KCTD20: variants seen among roughly 807,000 people sequenced by gnomAD.
KCTD20 encodes BTB/POZ domain-containing protein KCTD20.
Under a neutral mutation model 39.6 loss-of-function variants are expected in KCTD20, and 30 were observed. That is an observed-to-expected ratio of 0.76 (90% CI 0.57 to 1.03). The LOEUF is 1.03. Among genes scored for constraint, KCTD20 ranks in the 50% least tolerant of loss-of-function variants. KCTD20 has a pLI of 0.00. For synonymous variants in KCTD20, 162 were observed against 180.6 expected, an observed-to-expected ratio of 0.90 and a Z score of 0.83; for missense variants, 422 against 522.0, an observed-to-expected ratio of 0.81 and a Z score of 1.87.
chr6:36,471,482 C>A (rs927974630), intron 2 of KCTD20, among the ~76,000 whole-genome samples: 9 of 152,110 alleles, frequency 5.9e-5, no homozygotes, highest in African/African-American at 2.2e-4. Flanking sequence ...TACTTTGTAG[C>A]GCTTTATGGA....
intron 1 of KCTD20, among the ~76,000 whole-genome samples, chr6:36,444,233 G>T (rs1426883266): frequency 2.6e-5 from 4 of 152,160 alleles, no homozygotes; most frequent in Non-Finnish European, 5.9e-5. Context: ...CCGACCACAC[G>T]TTGACAGACA....
At chr6:36,484,261 T>C (rs1209990891) in intron 6 of KCTD20, among the ~76,000 whole-genome samples, 2 of 152,200 alleles carry the variant, frequency 1.3e-5, no homozygotes, top group African/African-American at 2.4e-5. Context: ...TCAAGAGCCA[T>C]TGTAATTTCC....
At position 36,474,940 on chromosome 6, in the gene KCTD20, T is replaced by C. The variant is rs1232271582; in HGVS notation, c.312T>C (p.Ser104=). ...FIAPERFGNS[S]VGFGSNSHSQ... ...CTCCAGAAAGATTTGGAAACAGTAGTGTGGGCTTTGGCAGTAATTCCCATT... is the reference window on the plus strand; with the variant it reads ...CTCCAGAAAGATTTGGAAACAGTAGCGTGGGCTTTGGCAGTAATTCCCATT... The change falls in exon 3 of 8, where the codon AGT becomes AGC. Residue 104 remains serine (S), a synonymous_variant. Coordinates refer to ENST00000373731, the MANE Select transcript of KCTD20 (RefSeq NM_173562.5). The C allele has an allele frequency of 3.1e-6, 5 of 1,614,016 alleles. No homozygotes were observed. The highest frequency in any genetic ancestry group is 1.6e-4 in the Middle Eastern group (1 of 6,084).
intron 1 of KCTD20, among the ~76,000 whole-genome samples, chr6:36,454,957 G>T (rs924074227): frequency 1.3e-5 from 2 of 152,062 alleles, no homozygotes; most frequent in East Asian, 3.9e-4. Context: ...CTACTTTATG[G>T]CTCTTTACCA....
intron 5 of KCTD20, among the ~76,000 whole-genome samples, chr6:36,481,197 G>A (rs1166018455): frequency 6.6e-6 from 1 of 152,090 alleles, no homozygotes; most frequent in Non-Finnish European, 1.5e-5. Context: ...CTCTATTATG[G>A]TACTCTAACT....
intron 1 of KCTD20, among the ~76,000 whole-genome samples, chr6:36,449,397 G>A (rs1775165294): frequency 6.6e-6 from 1 of 151,990 alleles, no homozygotes; most frequent in Non-Finnish European, 1.5e-5. Flanking sequence ...CTGATTGATA[G>A]ACACAGAGCG....
chr6:36,479,449 G>A (rs999051876), intron 4 of KCTD20, 142 bp from the exon 5 acceptor site: 2 of 794,150 alleles, frequency 2.5e-6, no homozygotes, highest in African/African-American at 1.7e-5. Flanking sequence ...GCCAGGAGCT[G>A]TTTTGCCATC....
intron 1 of KCTD20, among the ~76,000 whole-genome samples, chr6:36,449,633 T>G (rs4713976): frequency 0.048 from 7,316 of 152,246 alleles, 452 homozygotes; most frequent in Admixed American, 0.16. Context: ...AAGTCCCCAC[T>G]CGACCCAGGA....
chr6:36,486,249 C>T (rs1205712929), intron 7 of KCTD20, among the ~76,000 whole-genome samples: 2 of 152,156 alleles, frequency 1.3e-5, no homozygotes, highest in Non-Finnish European at 2.9e-5. Context: ...TCTCCTCCTA[C>T]TCGGTCTTTC....
At chr6:36,462,785 G>C (rs1775637829) in intron 1 of KCTD20, among the ~76,000 whole-genome samples, 1 of 152,142 alleles carries the variant, frequency 6.6e-6, no homozygotes, top group Non-Finnish European at 1.5e-5. Context: ...AGCCCACTAA[G>C]ATACTTACTA....
chr6:36,477,493 T>C (rs995866883), intron 3 of KCTD20, among the ~76,000 whole-genome samples: 2 of 149,978 alleles, frequency 1.3e-5, no homozygotes, highest in African/African-American at 4.9e-5. Context: ...TTTTTTTTTT[T>C]TTTTTGAGAC....
In KCTD20 at chr6:36,481,722, A is replaced by G; in HGVS notation, c.819A>G (p.Glu273=). ...LTDEDSVDWD[E]DHPPPMGEEY... is the part of the protein sequence containing the mutation. ...ATGAGGATTCTGTGGACTGGGATGAAGACCACCCTCCACCAATGGGGGAGG... is the reference window on the plus strand; with the variant it reads ...ATGAGGATTCTGTGGACTGGGATGAGGACCACCCTCCACCAATGGGGGAGG... The change falls in exon 6 of 8, where the codon GAA becomes GAG. Residue 273 remains glutamate (E), a synonymous_variant. Coordinates refer to ENST00000373731, the MANE Select transcript of KCTD20 (RefSeq NM_173562.5). The G allele has an allele frequency of 1.2e-6, 2 of 1,614,220 alleles. No individual in the cohort carries two copies. The highest frequency in any genetic ancestry group is 1.7e-6 in the Non-Finnish European group (2 of 1,180,026).
intron 7 of KCTD20, among the ~76,000 whole-genome samples, chr6:36,485,074 G>C (rs892862230): frequency 6.6e-6 from 1 of 152,226 alleles, no homozygotes; most frequent in African/African-American, 2.4e-5. Context: ...CAAGGGCAAA[G>C]GACAGTGGTA....
At chr6:36,460,359 A>G (rs1376625160) in intron 1 of KCTD20, among the ~76,000 whole-genome samples, 3 of 152,032 alleles carry the variant, frequency 2.0e-5, no homozygotes, top group African/African-American at 7.3e-5. Flanking sequence ...GCTGGAGTGC[A>G]GTGGAATGAT....
chr6:36,471,909 C>T (rs1561952997), intron 2 of KCTD20, among the ~76,000 whole-genome samples: 1 of 150,146 alleles, frequency 6.7e-6, no homozygotes, highest in Non-Finnish European at 1.5e-5. Context: ...AGTGCGGTGG[C>T]GCGATCTCGG....
intron 1 of KCTD20, among the ~76,000 whole-genome samples, chr6:36,468,910 A>T (rs1775835833): frequency 6.6e-6 from 1 of 152,200 alleles, no homozygotes; most frequent in South Asian, 2.1e-4. Context: ...TTTACATTTC[A>T]TCTAAGTGAA....
chr6:36,480,973 G>A (rs1465425249), intron 5 of KCTD20, among the ~76,000 whole-genome samples: 2 of 152,176 alleles, frequency 1.3e-5, no homozygotes, highest in Admixed American at 1.3e-4. Flanking sequence ...AGAGCTCTAG[G>A]CATTAAGGCC....
chr6:36,480,385 C>A (rs917364659), intron 5 of KCTD20, among the ~76,000 whole-genome samples: 1 of 150,338 alleles, frequency 6.7e-6, no homozygotes, highest in African/African-American at 2.5e-5. Flanking sequence ...ACAAATTGGC[C>A]AGGTTCTCCT....
intron 1 of KCTD20, among the ~76,000 whole-genome samples, chr6:36,448,907 T>C (rs1366807745): frequency 6.6e-6 from 1 of 152,164 alleles, no homozygotes; most frequent in Non-Finnish European, 1.5e-5. Flanking sequence ...CCGCAGACCT[T>C]CTCAGTGAGT....
Sources: allele counts gnomAD v4.1 joint callset (sites outside exome capture counted in the v4.1 genomes callset), GRCh38; gene constraint gnomAD v4.1.1; transcripts MANE v1.5; gene names NCBI Gene and HGNC (gene_info 2026-07-23, HGNC 2026-07-21).